The following ENTREP1 variants were observed in gnomAD, a reference collection of about 807,000 sequenced individuals.
ENTREP1 encodes Friedreich ataxia region gene X123.
chr9:69,325,260 T>G, the ENTREP1 span: 1 of 1,014,852 alleles, frequency 9.9e-7, no homozygotes. Context: ...CTCCGCGTCC[T>G]CTGCCCGCCG....
At chr9:69,377,232 A>G in the ENTREP1 span, 18 of 664,740 alleles carry the variant, frequency 2.7e-5, no homozygotes, top group Non-Finnish European at 4.4e-5. Context: ...GCCAAACACC[A>G]TCTAAGTCCT....
chr9:69,388,454 G>A, the ENTREP1 span: 8 of 1,577,936 alleles, frequency 5.1e-6, no homozygotes, highest in Non-Finnish European at 6.9e-6. Context: ...AGAACAGGTA[G>A]TTTTATTATT....
chr9:69,387,874 G>A, the ENTREP1 span: 1 of 1,341,182 alleles, frequency 7.5e-7, no homozygotes, highest in Non-Finnish European at 9.8e-7. Context: ...CCTCATTATG[G>A]TTTGCATTCT....
the ENTREP1 span, among the ~76,000 whole-genome samples, chr9:69,341,986 C>T: frequency 2.0e-5 from 3 of 152,024 alleles, no homozygotes; most frequent in Admixed American, 1.3e-4. Context: ...CCTTCCAGCT[C>T]TCATATTATA....
chr9:69,325,300 C>T, the ENTREP1 span: 11 of 1,182,586 alleles, frequency 9.3e-6, no homozygotes, highest in Middle Eastern at 3.4e-4. Context: ...GCACCCTTCC[C>T]CGTCCGTCCA....
the ENTREP1 span, among the ~76,000 whole-genome samples, chr9:69,366,123 C>G: frequency 1.1e-3 from 161 of 152,216 alleles, 1 homozygote; most frequent in African/African-American, 3.7e-3. Context: ...CATAATGGCT[C>G]TACTAATTGA....
At chr9:69,349,923 A>G in the ENTREP1 span, among the ~76,000 whole-genome samples, 1 of 152,214 alleles carries the variant, frequency 6.6e-6, no homozygotes, top group African/African-American at 2.4e-5. Flanking sequence ...TTTCTATTGA[A>G]TGCATATGGC....
the ENTREP1 span, chr9:69,325,822 A>G: frequency 8.3e-7 from 1 of 1,206,762 alleles, no homozygotes; most frequent in Non-Finnish European, 1.0e-6. Flanking sequence ...CCAGGGCTGC[A>G]GTTGGGGGAG....
chr9:69,332,751 A>T, the ENTREP1 span, among the ~76,000 whole-genome samples: 76 of 152,344 alleles, frequency 5.0e-4, no homozygotes, highest in Non-Finnish European at 8.5e-4. Context: ...GTCATGATCT[A>T]TTAAAATAAA....
the ENTREP1 span, among the ~76,000 whole-genome samples, chr9:69,339,880 C>T: frequency 6.6e-6 from 1 of 152,192 alleles, no homozygotes; most frequent in African/African-American, 2.4e-5. Context: ...TGCCTTGCCC[C>T]TAGCCATATC....
chr9:69,377,585 GACTA>G, the ENTREP1 span: 52 of 1,612,974 alleles, frequency 3.2e-5, no homozygotes, highest in Non-Finnish European at 4.3e-5. Flanking sequence ...GAAGGCTGTT[GACTA>G]ACTGAGCTGC....
At chr9:69,340,484 T>A in the ENTREP1 span, among the ~76,000 whole-genome samples, 1 of 152,226 alleles carries the variant, frequency 6.6e-6, no homozygotes, top group Non-Finnish European at 1.5e-5. Context: ...ATGTTTCTTA[T>A]ACTAACATAC....
the ENTREP1 span, among the ~76,000 whole-genome samples, chr9:69,367,037 C>T: frequency 2.0e-5 from 3 of 151,956 alleles, no homozygotes; most frequent in Non-Finnish European, 4.4e-5. Context: ...CCACTTCAGC[C>T]TCCCAAGTAG....
At chr9:69,387,953 G>A in the ENTREP1 span, 23 of 1,523,810 alleles carry the variant, frequency 1.5e-5, no homozygotes, top group Middle Eastern at 1.7e-4. Flanking sequence ...GACGTGTTTC[G>A]GGCCATATCC....
the ENTREP1 span, chr9:69,380,400 T>C: frequency 1.3e-5 from 2 of 152,374 alleles, no homozygotes; most frequent in East Asian, 3.9e-4. Flanking sequence ...TCATGATTGT[T>C]ACTATTTTAT....
At chr9:69,351,519 T>C in the ENTREP1 span, among the ~76,000 whole-genome samples, 1 of 152,284 alleles carries the variant, frequency 6.6e-6, no homozygotes, top group African/African-American at 2.4e-5. Context: ...CGGGTTCAAG[T>C]GATTCTCTTG....
At chr9:69,379,043 C>T in the ENTREP1 span, among the ~76,000 whole-genome samples, 1 of 150,218 alleles carries the variant, frequency 6.7e-6, no homozygotes, top group South Asian at 2.1e-4. Context: ...AAGCAAACAT[C>T]TGTTGAACTT....
chr9:69,334,066 T>C, the ENTREP1 span, among the ~76,000 whole-genome samples: 304 of 152,302 alleles, frequency 2.0e-3, 3 homozygotes, highest in African/African-American at 7.1e-3. Context: ...ACCAGACAAG[T>C]GAAATGACTT....
At chr9:69,386,758 C>T in the ENTREP1 span, 4 of 152,366 alleles carry the variant, frequency 2.6e-5, no homozygotes, top group African/African-American at 9.6e-5. Context: ...TCAGTTCTGG[C>T]TCTCTGACAG....
Sources: allele counts gnomAD v4.1 joint callset (sites outside exome capture counted in the v4.1 genomes callset), GRCh38; gene constraint gnomAD v4.1.1; transcripts MANE v1.5; gene names NCBI Gene and HGNC (gene_info 2026-07-23, HGNC 2026-07-21).